Variants in GLS observed in about 807,000 individuals in gnomAD.
The protein encoded by GLS is glutaminase kidney isoform, mitochondrial.
In GLS, 36 loss-of-function variants were observed where a neutral mutation model predicts 86.7. That is an observed-to-expected ratio of 0.42 (90% CI 0.32 to 0.55). GLS has a LOEUF of 0.55. Among genes scored for constraint, GLS ranks in the 20% least tolerant of loss-of-function variants. The pLI is 0.17. For missense variants in GLS, 528 were observed against 833.4 expected (o/e 0.63, Z 4.51); for synonymous variants, 317 against 305.9 (o/e 1.04, Z -0.38).
chr2:190,964,852 A>AGTT lies in GLS; in HGVS notation c.*1868_*1870dup, dbSNP rs1238370843. ...TTGTGTGACTAAAATGAAACAAGAC[A>AGTT]GTTGAATTGTGTGACTTGAAGATTA... On this transcript the variant is annotated 3_prime_UTR_variant, in exon 18 of 18. Transcript: ENST00000320717. This position sits in a 1 kb window ranked among gnomAD's most constrained non-coding sequence, Gnocchi z 5.2. The AGTT allele has an allele frequency of 1.3e-5, 2 of 152,232 alleles. No individual in the cohort carries two copies. The highest frequency in any genetic ancestry group is 2.4e-5 in the African/African-American group (1 of 41,460). The allele number at this position is 152,232 out of a possible 1,614,324, so 9.4% of individuals were successfully genotyped here. A position where few individuals can be genotyped will look rare whatever the true frequency, so the allele number is the denominator to read the frequency against.
chr2:190,942,794 G>C (rs899819663), intron 14 of GLS, among the ~76,000 whole-genome samples: 1 of 152,034 alleles, frequency 6.6e-6, no homozygotes, highest in African/African-American at 2.4e-5. Flanking sequence ...ACATATGGGG[G>C]TTATTTTTCT....
intron 1 of GLS, among the ~76,000 whole-genome samples, chr2:190,884,354 C>G (rs1199948203): frequency 1.3e-5 from 2 of 152,084 alleles, no homozygotes; most frequent in African/African-American, 4.8e-5. Context: ...AAGTCTGTAC[C>G]CTGATATTCA....
chr2:190,916,408 T>C (rs1014645376), intron 7 of GLS, among the ~76,000 whole-genome samples: 1 of 152,108 alleles, frequency 6.6e-6, no homozygotes, highest in African/African-American at 2.4e-5. Context: ...TGATTTTGCA[T>C]TGGGGGTGGT....
chr2:190,948,440 A>G (rs1014461516), intron 14 of GLS, among the ~76,000 whole-genome samples: 1 of 152,166 alleles, frequency 6.6e-6, no homozygotes, highest in Admixed American at 6.5e-5. Context: ...GACTTTTAGA[A>G]CGTTTGAAAT....
rs1690716019 is a variant in GLS at position 190,951,384 on chromosome 2, CA to C, written c.1651-2179del. 6.6e-6 allele frequency among the ~76,000 whole-genome samples: 1 copy of C among 152,036 alleles called. No individual in the cohort carries two copies. Among genetic ancestry groups the C allele is most frequent in the South Asian group, 2.1e-4 (1 of 4,802 alleles). On this transcript the variant is annotated intron_variant, in intron 14 of 17. Coordinates refer to ENST00000320717, the MANE Select transcript of GLS (RefSeq NM_014905.5). This position sits in a 1 kb window ranked among gnomAD's most constrained non-coding sequence, Gnocchi z 4.2. ...CAGGAAATAAGCGCTGAAGGGAGAA[CA>C]ATAGGGTCAAGTGTTGCTTTTTAAA...
intron 14 of GLS, among the ~76,000 whole-genome samples, chr2:190,936,025 G>A (rs1006032634): frequency 6.6e-6 from 1 of 151,122 alleles, no homozygotes; most frequent in Non-Finnish European, 1.5e-5. Flanking sequence ...TTTGAAAGGG[G>A]AAATACTGTT....
intron 1 of GLS, among the ~76,000 whole-genome samples, chr2:190,892,943 G>A (rs150026615): frequency 5.3e-4 from 80 of 152,098 alleles, no homozygotes; most frequent in Middle Eastern, 3.4e-3. Flanking sequence ...TGTGCCATAA[G>A]CTAAAAAAGT....
chr2:190,908,107 T>C (rs1252433115), intron 6 of GLS, among the ~76,000 whole-genome samples: 1 of 152,150 alleles, frequency 6.6e-6, no homozygotes, highest in Non-Finnish European at 1.5e-5. Flanking sequence ...CGTAACCATA[T>C]ATATCCCAAC....
At chr2:190,946,858 G>C (rs1690587606) in intron 14 of GLS, among the ~76,000 whole-genome samples, 1 of 152,106 alleles carries the variant, frequency 6.6e-6, no homozygotes. Flanking sequence ...ACATCATCAT[G>C]GTCTAGTTGT....
In GLS at chr2:190,880,909, G is replaced by C. The variant is rs911420686; in HGVS notation, c.-176G>C. On this transcript the variant is annotated 5_prime_UTR_variant, in exon 1 of 18. Transcript: ENST00000320717. ...AGCAGCAGCAGCAGCAGCAGCAGCA[G>C]CAGCAGCAGCACCCGCATCCGCTGC... 1 of 938,560 alleles carries C rather than the reference G, an allele frequency of 1.1e-6. No individual in the cohort carries two copies. Among genetic ancestry groups the C allele is most frequent in the Non-Finnish European group, 1.6e-6 (1 of 621,322 alleles). The allele number at this position is 938,560 out of a possible 1,614,324, so 58.1% of individuals were successfully genotyped here. A position where few individuals can be genotyped will look rare whatever the true frequency, so the allele number is the denominator to read the frequency against.
In GLS at chr2:190,953,482, A is replaced by G. The variant is rs1418280220; in HGVS notation, c.1651-83A>G. ...GACTCAGCTGAAGTGTTCAAAGCACATGGAAATCACTTGCCAGTGACAGGT... is the reference window on the plus strand; with the variant it reads ...GACTCAGCTGAAGTGTTCAAAGCACGTGGAAATCACTTGCCAGTGACAGGT... On this transcript the variant is annotated intron_variant, in intron 14 of 17. Coordinates refer to ENST00000320717, the MANE Select transcript of GLS (RefSeq NM_014905.5). This position sits in a 1 kb window ranked among gnomAD's most constrained non-coding sequence, Gnocchi z 4.0. 7.5e-6 allele frequency: 7 copies of G among 933,502 alleles called. No individual in the cohort carries two copies. The highest frequency in any genetic ancestry group is 1.2e-5 in the Non-Finnish European group (7 of 563,888). The allele number at this position is 933,502 out of a possible 1,614,324, so 57.8% of individuals were successfully genotyped here. A position where few individuals can be genotyped will look rare whatever the true frequency, so the allele number is the denominator to read the frequency against.
chr2:190,908,722 G>A (rs1689248261), intron 6 of GLS, among the ~76,000 whole-genome samples: 2 of 152,210 alleles, frequency 1.3e-5, no homozygotes, highest in Admixed American at 6.5e-5. Context: ...TTAGGCTGGT[G>A]GTGTGTTACA....
chr2:190,927,692 C>A, intron 12 of GLS: 1 of 440,640 alleles, frequency 2.3e-6, no homozygotes, highest in Non-Finnish European at 4.0e-6. Context: ...ATTTATAGAA[C>A]CTCATCCCTT....
At chr2:190,941,630 A>G (rs1690434765) in intron 14 of GLS, among the ~76,000 whole-genome samples, 1 of 152,092 alleles carries the variant, frequency 6.6e-6, no homozygotes, top group African/African-American at 2.4e-5. Context: ...ACAGTGTGTA[A>G]GTTTTGAAGG....
At chr2:190,948,321 C>T (rs1329094200) in intron 14 of GLS, among the ~76,000 whole-genome samples, 1 of 152,158 alleles carries the variant, frequency 6.6e-6, no homozygotes, top group Non-Finnish European at 1.5e-5. Context: ...AGCCTTTGTA[C>T]ATTAAAGTTT....
intron 6 of GLS, among the ~76,000 whole-genome samples, chr2:190,908,703 A>G (rs1244537708): frequency 1.3e-5 from 2 of 152,228 alleles, no homozygotes; most frequent in African/African-American, 4.8e-5. Flanking sequence ...CCGAGGTTTT[A>G]TACTGCAGTT....
At chr2:190,911,358 G>A (rs1271739312) in intron 7 of GLS, among the ~76,000 whole-genome samples, 4 of 152,056 alleles carry the variant, frequency 2.6e-5, no homozygotes, top group Non-Finnish European at 4.4e-5. Flanking sequence ...TAAAATAGAA[G>A]GCTGGTATCT....
At chr2:190,904,092 T>C (rs183531524) in intron 5 of GLS, among the ~76,000 whole-genome samples, 188 of 152,282 alleles carry the variant, frequency 1.2e-3, no homozygotes, top group Middle Eastern at 0.01. Context: ...ATGGTAATGA[T>C]GACTGCCTAC....
intron 1 of GLS, among the ~76,000 whole-genome samples, chr2:190,892,421 G>T (rs935019160): frequency 6.6e-6 from 1 of 151,944 alleles, no homozygotes. Context: ...GATTCATTTG[G>T]GTTATTAATA....
Sources: gnomAD v4.1 joint callset for allele counts (sites outside exome capture counted in the v4.1 genomes callset) on GRCh38, gnomAD v4.1.1 for gene constraint, Gnocchi (gnomAD v3.1) non-coding constraint, MANE v1.5 for transcripts, NCBI Gene and HGNC (gene_info 2026-07-23, HGNC 2026-07-21) for gene names.